Variants in RADIL observed in about 807,000 individuals in gnomAD.
RADIL encodes the protein ras-associating and dilute domain-containing protein.
In RADIL, 99 loss-of-function variants were observed where a neutral mutation model predicts 97.6. The observed-to-expected ratio is 1.01, with a 90% CI of 0.86 to 1.20. RADIL has a LOEUF of 1.20. Among genes scored for constraint, RADIL ranks in the 50% most tolerant of loss-of-function variants. RADIL has a pLI of 0.00. For synonymous variants in RADIL, 803 were observed against 691.8 expected, an observed-to-expected ratio of 1.16 and a Z score of -2.52; for missense variants, 1,765 against 1,498.9, an observed-to-expected ratio of 1.18 and a Z score of -2.93.
rs1784525551 is a variant in RADIL at position 4,883,413 on chromosome 7, C to G, written c.-65+183G>C. On this transcript the variant is annotated intron_variant, in intron 1 of 14. Coordinates refer to ENST00000399583, the MANE Select transcript of RADIL (RefSeq NM_018059.5). The surrounding 1 kb of genome is among the most constrained non-coding windows in gnomAD (Gnocchi z 7.1). ...CCGCCCCCCGGTCCAGGCCGGGGCC[C>G]GACAGCCAGTCGGTTCCCATGGCAA... Among the ~76,000 whole-genome samples the G allele has an allele frequency of 6.6e-6, 1 of 152,024 alleles. No individual in the cohort carries two copies. The highest frequency in any genetic ancestry group is 1.5e-5 in the Non-Finnish European group (1 of 67,966).
In RADIL at chr7:4,797,812, C is replaced by T. The variant is rs1400095568; in HGVS notation, c.*1566G>A. On this transcript the variant is annotated 3_prime_UTR_variant, in exon 15 of 15. Transcript: ENST00000399583. ...TGGCCAACGTGGTGAAACCCTGTCTCTACTAAAAGTACTAAATTAGCCAAG... is the reference window on the plus strand; with the variant it reads ...TGGCCAACGTGGTGAAACCCTGTCTTTACTAAAAGTACTAAATTAGCCAAG... 1 of 152,026 alleles carries T rather than the reference C, an allele frequency of 6.6e-6. No individual in the cohort carries two copies. The highest frequency in any genetic ancestry group is 2.4e-5 in the African/African-American group (1 of 41,368). 9.4% of individuals were successfully genotyped at this position (152,026 alleles called of 1,614,324 possible).
intron 9 of RADIL, chr7:4,809,014 C>G: frequency 1.4e-6 from 1 of 702,004 alleles, no homozygotes; most frequent in Non-Finnish European, 1.6e-6. Context: ...TCCGACGCCA[C>G]TGCCCCCCCT....
At position 4,883,627 on chromosome 7, in the gene RADIL, C is replaced by T. The variant is rs1191714533; in HGVS notation, c.-96G>A. ...CACAACCCGCCGCGCCGCCACGTTC[C>T]CGCGCTGCTCCCACCCGCCGTTGGC... On this transcript the variant is annotated 5_prime_UTR_variant, in exon 1 of 15. Coordinates refer to ENST00000399583, the MANE Select transcript of RADIL (RefSeq NM_018059.5). This position sits in a 1 kb window ranked among gnomAD's most constrained non-coding sequence, Gnocchi z 7.1. 2.0e-5 allele frequency: 3 copies of T among 151,930 alleles called. No individual in the cohort carries two copies. The highest frequency in any genetic ancestry group is 7.2e-5 in the African/African-American group (3 of 41,414). 9.4% of individuals were successfully genotyped at this position (151,930 alleles called of 1,614,324 possible).
chr7:4,804,467 G>T (rs1488705321), intron 10 of RADIL, among the ~76,000 whole-genome samples: 1 of 152,188 alleles, frequency 6.6e-6, no homozygotes, highest in Non-Finnish European at 1.5e-5. Flanking sequence ...CAGATGAAGG[G>T]AGATGTGTGT....
At chr7:4,848,240 A>G (rs1783623878) in intron 2 of RADIL, among the ~76,000 whole-genome samples, 1 of 151,634 alleles carries the variant, frequency 6.6e-6, no homozygotes. Context: ...AATTGCTAAG[A>G]CTGGACTGTG....
Position 4,801,735 on chromosome 7 carries a change from T to C in RADIL, c.2760A>G (p.Pro920=), listed in dbSNP as rs1252805801. ...CTTTTCCACAGGGGCCGCCGGACTC[T>C]GGCCAGTCGGGGTCCCCAGGCTCAG... ...LGPEPGDPDW[P]ESGGPCGKAL... is the part of the protein sequence containing the mutation. The change falls in exon 12 of 15, where the codon CCA becomes CCG. Residue 920 remains proline, a synonymous_variant. Coordinates refer to ENST00000399583, the MANE Select transcript of RADIL (RefSeq NM_018059.5). 1.2e-6 allele frequency: 2 copies of C among 1,610,536 alleles called. No individual in the cohort carries two copies. The highest frequency in any genetic ancestry group is 1.7e-6 in the Non-Finnish European group (2 of 1,179,108).
In RADIL at chr7:4,842,663, T is replaced by C. The variant is rs192191092; in HGVS notation, c.536-6058A>G. ...AACTCAGCCGGCAGCTTTCGCCTCC[T>C]GATCCTGTTTTCTCTTCCCTCCCTG... On this transcript the variant is annotated intron_variant, in intron 2 of 14. Coordinates refer to ENST00000399583, the MANE Select transcript of RADIL (RefSeq NM_018059.5). This position sits in a 1 kb window ranked among gnomAD's most constrained non-coding sequence, Gnocchi z 4.5. 8.8e-4 allele frequency among the ~76,000 whole-genome samples: 134 copies of C among 152,304 alleles called. 1 individual carries two copies. Among genetic ancestry groups the C allele is most frequent in the Non-Finnish European group, 4.0e-4 (27 of 68,014 alleles).
rs113942851 is a variant in RADIL at position 4,879,570 on chromosome 7, G to A, written c.-64-1367C>T. On this transcript the variant is annotated intron_variant, in intron 1 of 14. Transcript: ENST00000399583. The surrounding 1 kb of genome is among the most constrained non-coding windows in gnomAD (Gnocchi z 4.1). ...GGTCCCAGTGAACACAGCACGGGTC[G>A]CCTGCCACTGCGACCGGGGTCAGTA... is the stretch of plus-strand genomic sequence containing the variant. 6.2e-3 allele frequency among the ~76,000 whole-genome samples: 943 copies of A among 152,264 alleles called. 11 individuals carry two copies. The highest frequency in any genetic ancestry group is 0.02 in the African/African-American group (841 of 41,552).
At position 4,835,133 on chromosome 7, in the gene RADIL, T is replaced by C. The variant is rs749614772; in HGVS notation, c.890A>G (p.His297Arg). The C allele has an allele frequency of 1.9e-6, 3 of 1,609,954 alleles. No individual in the cohort carries two copies. Among genetic ancestry groups the C allele is most frequent in the East Asian group, 4.5e-5 (2 of 44,710 alleles). The stretch of plus-strand genomic sequence containing the variant: ...GAGCGGTTGCCGGCGGATGGTGCAG[T>C]GTAGAGGCAGGATGTCGGGGGCTGA... ...SLSAPDILPL[H>R]CTIRRQPLPD... The change falls in exon 4 of 15, where the codon CAC becomes CGC. Residue 297 changes from histidine to arginine, a missense_variant. Physicochemically the swap from His to Arg is conservative, Grantham distance 29 (BLOSUM62 0). Transcript: ENST00000399583. The surrounding 1 kb of genome is among the most constrained non-coding windows in gnomAD (Gnocchi z 5.8).
At chr7:4,858,303 T>G (rs551615200) in intron 2 of RADIL, 1 of 152,204 alleles carries the variant, frequency 6.6e-6, no homozygotes. Context: ...GCAAGGCTAA[T>G]TGGAAAGCCT....
Position 4,813,106 on chromosome 7 carries a change from T to C in RADIL, c.2139+2172A>G, listed in dbSNP as rs1455896304. On this transcript the variant is annotated intron_variant, in intron 9 of 14. Transcript: ENST00000399583. This position sits in a 1 kb window ranked among gnomAD's most constrained non-coding sequence, Gnocchi z 5.0. Reference sequence around the variant, plus strand: ...TCTCTCTCTCTCTCTCTCTCTTTCCTTTCTTTCTTTCTTTTCTTTCTTTCA... The same window carrying C: ...TCTCTCTCTCTCTCTCTCTCTTTCCCTTCTTTCTTTCTTTTCTTTCTTTCA... Among the ~76,000 whole-genome samples the C allele has an allele frequency of 7.2e-6, 1 of 139,100 alleles. No homozygotes were observed. Among genetic ancestry groups the C allele is most frequent in the Admixed American group, 7.0e-5 (1 of 14,320 alleles). The allele number at this position is 139,100 out of a possible 152,430, so 91.3% of individuals were successfully genotyped here. A position where few individuals can be genotyped will look rare whatever the true frequency, so the allele number is the denominator to read the frequency against.
rs955152227 is a variant in RADIL, at chr7:4,836,665, C to T, written c.536-60G>A. ...AGTCTCATAGCACCAGGACTGGGCGCGGTGGCTCACCCCTGTAATCCCAGC... is the reference window on the plus strand; with the variant it reads ...AGTCTCATAGCACCAGGACTGGGCGTGGTGGCTCACCCCTGTAATCCCAGC... On this transcript the variant is annotated intron_variant, in intron 2 of 14. Transcript: ENST00000399583. The T allele has an allele frequency of 9.9e-5, 157 of 1,592,356 alleles. 1 individual carries two copies. The South Asian group carries it at 1.6e-3, about 16-fold the overall frequency.
Position 4,834,531 on chromosome 7 carries a change from C to T in RADIL, c.1416+76G>A, listed in dbSNP as rs184969306. On this transcript the variant is annotated intron_variant, in intron 4 of 14. Coordinates refer to ENST00000399583, the MANE Select transcript of RADIL (RefSeq NM_018059.5). The surrounding 1 kb of genome is among the most constrained non-coding windows in gnomAD (Gnocchi z 6.0). The stretch of plus-strand genomic sequence containing the variant: ...GTCAGATAGAGGCGCTCCCGCCTCC[C>T]AGCCGGGGCCAGCTCCGGGCCCCCT... 3.0e-4 allele frequency: 378 copies of T among 1,269,352 alleles called. 1 individual carries two copies. In the African/African-American group the frequency reaches 5.2e-3, roughly 17 times the overall value. 78.6% of individuals were successfully genotyped at this position (1,269,352 alleles called of 1,614,324 possible).
intron 2 of RADIL, among the ~76,000 whole-genome samples, chr7:4,856,849 G>C (rs1408287552): frequency 6.6e-6 from 1 of 152,210 alleles, no homozygotes; most frequent in African/African-American, 2.4e-5. Context: ...ATAGGGATGG[G>C]TGAGAAATCC....
rs555892479 is a variant in RADIL at position 4,801,896 on chromosome 7, G to A, written c.2599C>T (p.Arg867Cys). 8.9e-5 allele frequency: 141 copies of A among 1,577,240 alleles called. 1 individual carries two copies. Among genetic ancestry groups the A allele is most frequent in the Admixed American group, 3.7e-4 (20 of 53,844 alleles). The change falls in exon 12 of 15, where the codon CGT becomes TGT. Residue 867 changes from arginine to cysteine, a missense_variant. Arg to Cys is a radical substitution (Grantham distance 180). Transcript: ENST00000399583. Reference protein sequence around the residue: ...GPAAREVAPERTLPLRGAPWA... With the variant: ...GPAAREVAPECTLPLRGAPWA... The stretch of plus-strand genomic sequence containing the variant: ...GGAGCCCCCCTCAAGGGAAGAGTAC[G>A]CTCCGGGGCCACTTCCCGGGCTGCT...
At chr7:4,869,255 C>T (rs151049624) in intron 2 of RADIL, among the ~76,000 whole-genome samples, 2 of 152,308 alleles carry the variant, frequency 1.3e-5, no homozygotes, top group South Asian at 2.1e-4. Flanking sequence ...ACCTTAGCCC[C>T]CTGAGTAGCT....
chr7:4,860,452 G>C, intron 2 of RADIL: 1 of 1,614,170 alleles, frequency 6.2e-7, no homozygotes, highest in Non-Finnish European at 8.5e-7. Flanking sequence ...GATCAATGCT[G>C]AGAATTTCAG....
In RADIL at chr7:4,873,285, C is replaced by T. The variant is rs1220356893; in HGVS notation, c.535+4320G>A. Among the ~76,000 whole-genome samples the T allele has an allele frequency of 6.6e-6, 1 of 152,146 alleles. No individual in the cohort carries two copies. Among genetic ancestry groups the T allele is most frequent in the Non-Finnish European group, 1.5e-5 (1 of 68,030 alleles). ...GGGAAATTATTGAAAAACAGTGTTA[C>T]AGTGTTGAGCAACCTGGGGCTGGAC... On this transcript the variant is annotated intron_variant, in intron 2 of 14. Coordinates refer to ENST00000399583, the MANE Select transcript of RADIL (RefSeq NM_018059.5). This position sits in a 1 kb window ranked among gnomAD's most constrained non-coding sequence, Gnocchi z 4.3.
At position 4,816,164 on chromosome 7, in the gene RADIL, G is replaced by A. The variant is rs961667033; in HGVS notation, c.1966+64C>T. The A allele has an allele frequency of 1.6e-5, 24 of 1,479,852 alleles. No homozygotes were observed. In the Admixed American group the frequency reaches 2.0e-4, roughly 13 times the overall value. The allele number at this position is 1,479,852 out of a possible 1,614,324, so 91.7% of individuals were successfully genotyped here. A position where few individuals can be genotyped will look rare whatever the true frequency, so the allele number is the denominator to read the frequency against. ...GCCTCCAGGAGCTGGCGAGGGAGGC[G>A]CCAGCAGCCGTCATGTCCAGGAATG... On this transcript the variant is annotated intron_variant, in intron 8 of 14. Coordinates refer to ENST00000399583, the MANE Select transcript of RADIL (RefSeq NM_018059.5).
Sources: gnomAD v4.1 joint callset for allele counts (sites outside exome capture counted in the v4.1 genomes callset) on GRCh38, gnomAD v4.1.1 for gene constraint, Gnocchi (gnomAD v3.1) non-coding constraint, MANE v1.5 for transcripts, NCBI Gene and HGNC (gene_info 2026-07-23, HGNC 2026-07-21) for gene names.